ZIC3: variants seen among roughly 807,000 people sequenced by gnomAD.
ZIC3 encodes Zic family zinc finger 3.
In ZIC3, 6 loss-of-function variants were observed where a neutral mutation model predicts 18.3. The ratio of observed to expected loss-of-function variants is 0.33; its 90% CI spans 0.18 to 0.65. The LOEUF (loss-of-function observed/expected upper bound fraction) is 0.65, where lower values mean the gene tolerates loss of function less well. Ranked by LOEUF, ZIC3 falls within the 30% of genes least tolerant of loss-of-function variation. The pLI is 0.75. For missense variants in ZIC3, 260 were observed against 410.0 expected (o/e 0.63, Z 3.16); for synonymous variants, 175 against 177.0 (o/e 0.99, Z 0.09).
At position 137,567,164 on chromosome X, in the gene ZIC3, G is replaced by A. The variant is rs1249609225; in HGVS notation, c.473G>A (p.Ser158Asn). 1.7e-6 allele frequency: 2 copies of A among 1,206,447 alleles called. No individual in the cohort carries two copies. Among genetic ancestry groups the A allele is most frequent in the East Asian group, 3.0e-5 (1 of 33,631 alleles). ...HAPAGIPEPP[S>N]YLLFPGLHEQ... ...CCAGCTGGCATCCCCGAGCCCCCTA[G>A]CTACTTGCTGTTTCCCGGGCTGCAT... is the stretch of plus-strand genomic sequence containing the variant. Residue 158 changes from serine to asparagine, a missense_variant, in exon 1 of 3, where the codon AGC becomes AAC. Coordinates refer to ENST00000287538, the MANE Select transcript of ZIC3 (RefSeq NM_003413.4).
chrX:137,573,631 G>C (rs1366317060), downstream of ZIC3: 1 of 112,901 alleles, frequency 8.9e-6, no homozygotes, highest in Non-Finnish European at 1.9e-5. Flanking sequence ...ATGTAAGTTT[G>C]TGGAAGAATC....
chrX:137,569,796 T>C, intron 2 of ZIC3, 95 bp from the exon 3 acceptor site: 1 of 876,378 alleles, frequency 1.1e-6, no homozygotes, highest in Non-Finnish European at 1.6e-6. Context: ...CACTGGGCGG[T>C]CTTGTTGTTA....
intron 1 of ZIC3, among the ~76,000 whole-genome samples, chrX:137,568,212 T>C (rs1009896402): frequency 1.8e-5 from 2 of 112,614 alleles, no homozygotes; most frequent in African/African-American, 6.5e-5. Flanking sequence ...AAATGACTGA[T>C]ACTTTTGTCA....
chrX:137,567,884 C>T, intron 1 of ZIC3, 133 bp downstream of exon 1: 1 of 1,093,279 alleles, frequency 9.1e-7, no homozygotes, highest in Non-Finnish European at 1.2e-6. Flanking sequence ...GAAAAAGAAG[C>T]GCTGTCAGTG....
At chrX:137,567,803 G>A (rs1229418101) in intron 1 of ZIC3, 52 bp downstream of exon 1, 8 of 1,210,209 alleles carry the variant, frequency 6.6e-6, no homozygotes, top group Non-Finnish European at 8.9e-6. Context: ...ACCCCGTCAC[G>A]CAGCGGACTT....
Position 137,571,402 on chromosome X carries a change from G to C in ZIC3, c.*1332G>C, listed in dbSNP as rs1014439353. 8.9e-6 allele frequency: 1 copy of C among 111,813 alleles called. No individual in the cohort carries two copies. Among genetic ancestry groups the C allele is most frequent in the Non-Finnish European group, 1.9e-5 (1 of 53,086 alleles). 9.2% of individuals were successfully genotyped at this position (111,813 alleles called of 1,213,427 possible). ...TATATATTTTCAAAAGATAGCTTAT[G>C]TCTAAAACAGTGGTGATGAGTAAGG... On this transcript the variant is annotated 3_prime_UTR_variant, in exon 3 of 3. Transcript: ENST00000287538.
rs185931408 is a variant in ZIC3 at position 137,569,286 on chromosome X, A to G, written c.1224+221A>G. ...GGGAGGGGGAGGAAGCGGAGGGAACAATCGGTTGTTTACTGGGAAGCTCTA... is the reference window on the plus strand; with the variant it reads ...GGGAGGGGGAGGAAGCGGAGGGAACGATCGGTTGTTTACTGGGAAGCTCTA... On this transcript the variant is annotated intron_variant, in intron 2 of 2. Coordinates refer to ENST00000287538, the MANE Select transcript of ZIC3 (RefSeq NM_003413.4). 7.4e-3 allele frequency among the ~76,000 whole-genome samples: 820 copies of G among 111,086 alleles called. 2 individuals carry two copies. Among genetic ancestry groups the G allele is most frequent in the Non-Finnish European group, 0.012 (614 of 52,760 alleles).
At chrX:137,576,945 C>T (rs966345770), downstream of ZIC3, among the ~76,000 whole-genome samples, 4 of 112,005 alleles carry the variant, frequency 3.6e-5, no homozygotes, top group Non-Finnish European at 7.5e-5. Flanking sequence ...TATTAAAATA[C>T]AACCTGCGTC....
chrX:137,570,934 AACTC>A lies in ZIC3; in HGVS notation c.*870_*873del, dbSNP rs1296828669. 3 of 112,818 alleles carry A rather than the reference AACTC, an allele frequency of 2.7e-5. No homozygotes were observed. Among genetic ancestry groups the A allele is most frequent in the Admixed American group, 1.9e-4 (2 of 10,627 alleles). 9.3% of individuals were successfully genotyped at this position (112,818 alleles called of 1,213,427 possible). A position where few individuals can be genotyped will look rare whatever the true frequency, so the allele number is the denominator to read the frequency against. On this transcript the variant is annotated 3_prime_UTR_variant, in exon 3 of 3. Coordinates refer to ENST00000287538, the MANE Select transcript of ZIC3 (RefSeq NM_003413.4). ...TTAAATCTTGTTTGTTGGTATTTATAACTCACTCAGATCCCTTTTTTAATTGTTA... is the reference window on the plus strand; with the variant it reads ...TTAAATCTTGTTTGTTGGTATTTATAACTCAGATCCCTTTTTTAATTGTTA...
In ZIC3 at chrX:137,577,441, C is replaced by T. The variant is rs1158779653; in HGVS notation, c.*170C>T. ...AATGAAAAAGCAAAAAAACTCCCCCCACTTTAGGATTTATAAATGGGAAGA... is the reference window on the plus strand; with the variant it reads ...AATGAAAAAGCAAAAAAACTCCCCCTACTTTAGGATTTATAAATGGGAAGA... On this transcript the variant is annotated 3_prime_UTR_variant, in exon 3 of 3. Coordinates refer to the ZIC3 transcript ENST00000370606. The T allele has an allele frequency of 1.8e-5, 6 of 331,308 alleles. No homozygotes were observed. In the East Asian group the frequency reaches 1.8e-4, roughly 10 times the overall value. The allele number at this position is 331,308 out of a possible 1,213,427, so 27.3% of individuals were successfully genotyped here.
At chrX:137,573,346 G>A (rs191827934), downstream of ZIC3, among the ~76,000 whole-genome samples, 126 of 111,435 alleles carry the variant, frequency 1.1e-3, 1 homozygote, top group Non-Finnish European at 2.6e-4. Context: ...ACGCAAGACA[G>A]AAGTTTGGCC....
chrX:137,568,686 G>GCCCCCCCCCCCCCCC, intron 1 of ZIC3: 1 of 90,113 alleles, frequency 1.1e-5, no homozygotes, highest in Non-Finnish European at 2.0e-5. Context: ...GGCCGGCCCC[G>GCCCCCCCCCCCCCCC]CCCCACCCCC....
downstream of ZIC3, chrX:137,574,248 C>T (rs1446665763): frequency 8.8e-6 from 1 of 113,366 alleles, no homozygotes; most frequent in African/African-American, 3.2e-5. Flanking sequence ...TCCCGGGGCT[C>T]ATCAGCGAAC....
Position 137,567,421 on chromosome X carries a change from C to A in ZIC3, c.730C>A (p.Arg244=). ...GCCCGGCGCCTTCTTCCGTTATATGCGGCAGCCTATCAAGCAGGAGCTGTC... is the reference window on the plus strand; with the variant it reads ...GCCCGGCGCCTTCTTCCGTTATATGAGGCAGCCTATCAAGCAGGAGCTGTC... ...HGPGAFFRYM[R]QPIKQELSCK... The change falls in exon 1 of 3, where the codon CGG becomes AGG. Residue 244 remains arginine, a synonymous_variant. Coordinates refer to ENST00000287538, the MANE Select transcript of ZIC3 (RefSeq NM_003413.4). 1 of 1,211,491 alleles carries A rather than the reference C, an allele frequency of 8.3e-7. No homozygotes were observed. Among genetic ancestry groups the A allele is most frequent in the African/African-American group, 1.7e-5 (1 of 57,806 alleles).
intron 1 of ZIC3, among the ~76,000 whole-genome samples, chrX:137,568,349 T>C (rs1033643903): frequency 9.2e-6 from 1 of 108,804 alleles, no homozygotes; most frequent in Non-Finnish European, 1.9e-5. Context: ...GATCTATCTA[T>C]CTATCTATCT....
downstream of ZIC3, among the ~76,000 whole-genome samples, chrX:137,576,736 T>G (rs1487804074): frequency 1.8e-5 from 2 of 112,583 alleles, no homozygotes; most frequent in African/African-American, 6.5e-5. Flanking sequence ...CTGTTGAAAC[T>G]GAAGAAAATC....
Position 137,567,385 on chromosome X carries a change from G to A in ZIC3, c.694G>A (p.Ala232Thr). The A allele has an allele frequency of 8.3e-7, 1 of 1,211,560 alleles. No individual in the cohort carries two copies. ...CATGAACATGGGAGTGAACGTGGCG[G>A]CCCACCACGGGCCCGGCGCCTTCTT... ...MNMNMGVNVA[A>T]HHGPGAFFRY... The change falls in exon 1 of 3, where the codon GCC becomes ACC. Residue 232 changes from alanine (A) to threonine (T), a missense_variant. Transcript: ENST00000287538.
rs62603138 is a variant in ZIC3 at position 137,568,696 on chromosome X, C to G, written c.1061-206C>G. 141 of 116,081 alleles carry G rather than the reference C, an allele frequency of 1.2e-3. 1 individual carries two copies. Among genetic ancestry groups the G allele is most frequent in the Non-Finnish European group, 2.0e-3 (126 of 63,561 alleles). 9.6% of individuals were successfully genotyped at this position (116,081 alleles called of 1,213,427 possible). ...TTTTGGGCCGGCCCCGCCCCACCCC[C>G]ACCCCCACCCCGACCACCACTCCCA... On this transcript the variant is annotated intron_variant, in intron 1 of 2. Transcript: ENST00000287538.
At position 137,566,342 on chromosome X, in the gene ZIC3, A is replaced by C; in HGVS notation, c.-350A>C. ...CGGGGAGAGGAGGGGTGCCCGGGAC[A>C]GGATTGGCAAACTCCGCCCTCCACT... is the stretch of plus-strand genomic sequence containing the variant. On this transcript the variant is annotated 5_prime_UTR_variant, in exon 1 of 3. Transcript: ENST00000287538. 3.7e-6 allele frequency: 1 copy of C among 273,196 alleles called. No individual in the cohort carries two copies. Among genetic ancestry groups the C allele is most frequent in the Non-Finnish European group, 6.5e-6 (1 of 153,756 alleles). 22.5% of individuals were successfully genotyped at this position (273,196 alleles called of 1,213,427 possible).
Sources: allele counts gnomAD v4.1 joint callset (sites outside exome capture counted in the v4.1 genomes callset), GRCh38; gene constraint gnomAD v4.1.1; transcripts MANE v1.5; gene names NCBI Gene and HGNC (gene_info 2026-07-23, HGNC 2026-07-21).